CHLSN: variants seen among roughly 807,000 people sequenced by gnomAD.
CHLSN encodes cholesin, also known as protein cholesin.
chr7:1,058,918 A>G, the CHLSN span: 5,683 of 198,192 alleles, frequency 0.029, 319 homozygotes, highest in African/African-American at 0.12. Flanking sequence ...AAAAATGACA[A>G]ATAGTAAAAT....
At chr7:1,130,972 G>A in the CHLSN span, among the ~76,000 whole-genome samples, 21 of 152,178 alleles carry the variant, frequency 1.4e-4, no homozygotes, top group Admixed American at 1.4e-3. Flanking sequence ...CAGACTGCTT[G>A]AGCCCAGGAG....
chr7:1,125,249 GC>G, the CHLSN span, among the ~76,000 whole-genome samples: 39 of 152,336 alleles, frequency 2.6e-4, no homozygotes, highest in Admixed American at 2.2e-3. Flanking sequence ...ACCCCTCCAA[GC>G]ACTGGCTGTG....
chr7:1,115,470 A>C, the CHLSN span, among the ~76,000 whole-genome samples: 1 of 152,040 alleles, frequency 6.6e-6, no homozygotes, highest in South Asian at 2.1e-4. Flanking sequence ...CTCATCACCA[A>C]CGCCCACGCA....
chr7:1,098,653 C>T, the CHLSN span, among the ~76,000 whole-genome samples: 3 of 146,406 alleles, frequency 2.0e-5, no homozygotes, highest in South Asian at 2.2e-4. Context: ...AAAGCAGACA[C>T]GAGTGGAGCT....
the CHLSN span, chr7:997,012 T>C: frequency 6.6e-6 from 1 of 152,308 alleles, no homozygotes; most frequent in Non-Finnish European, 1.5e-5. Flanking sequence ...CGGCTGCTGC[T>C]GGGTCGGGTT....
At chr7:1,035,876 G>A in the CHLSN span, among the ~76,000 whole-genome samples, 3 of 152,216 alleles carry the variant, frequency 2.0e-5, no homozygotes, top group African/African-American at 7.2e-5. Context: ...GCCACAGATT[G>A]GAAGCAACCA....
chr7:1,012,625 C>G, the CHLSN span, among the ~76,000 whole-genome samples: 2 of 152,242 alleles, frequency 1.3e-5, no homozygotes, highest in Non-Finnish European at 2.9e-5. Flanking sequence ...GTGGGAAGCT[C>G]AGGAGTGCCA....
chr7:1,065,872 C>A, the CHLSN span, among the ~76,000 whole-genome samples: 1 of 152,208 alleles, frequency 6.6e-6, no homozygotes, highest in Non-Finnish European at 1.5e-5. Context: ...ACTCCGCGAT[C>A]CAAAGGCAGC....
At chr7:989,057 GC>G in the CHLSN span, 18 of 459,988 alleles carry the variant, frequency 3.9e-5, no homozygotes, top group Middle Eastern at 5.5e-4. Context: ...GTCCCTGCCA[GC>G]CCCCAGGAGC....
At chr7:1,002,797 TGGAGTCCTGTGGGTGG>T in the CHLSN span, among the ~76,000 whole-genome samples, 2 of 25,152 alleles carry the variant, frequency 8.0e-5, no homozygotes, top group Non-Finnish European at 1.5e-4. Context: ...TGTGGGTGAG[TGGAGTCCTGTGGGTGG>T]GGAGTCCTGT....
chr7:1,041,663 G>T, the CHLSN span, among the ~76,000 whole-genome samples: 1 of 152,194 alleles, frequency 6.6e-6, no homozygotes, highest in African/African-American at 2.4e-5. Flanking sequence ...ATACTCACAA[G>T]AACTAGGAAG....
At chr7:1,031,933 G>A in the CHLSN span, among the ~76,000 whole-genome samples, 2 of 152,122 alleles carry the variant, frequency 1.3e-5, no homozygotes, top group East Asian at 3.8e-4. Context: ...CGGGGTGGCT[G>A]CGAGGACGTG....
At chr7:1,095,058 A>ACGTGTG in the CHLSN span, among the ~76,000 whole-genome samples, 444 of 152,264 alleles carry the variant, frequency 2.9e-3, 7 homozygotes, top group Admixed American at 0.023. Context: ...AGTCCTGCAG[A>ACGTGTG]ACACCGTGCG....
At chr7:1,043,030 T>G in the CHLSN span, among the ~76,000 whole-genome samples, 1 of 150,822 alleles carries the variant, frequency 6.6e-6, no homozygotes, top group Admixed American at 6.6e-5. Context: ...GGCAGGCGGA[T>G]CACTTGAGGT....
At chr7:1,059,003 G>A in the CHLSN span, 1 of 183,950 alleles carries the variant, frequency 5.4e-6, no homozygotes, top group Admixed American at 5.4e-5. Flanking sequence ...TGCTAGCAAG[G>A]CCTGCCGGGT....
At chr7:1,123,919 C>T in the CHLSN span, among the ~76,000 whole-genome samples, 2 of 152,022 alleles carry the variant, frequency 1.3e-5, no homozygotes, top group Admixed American at 1.3e-4. This position sits in a 1 kb window ranked among gnomAD's most constrained non-coding sequence, Gnocchi z 4.4. Flanking sequence ...TTCCCGCTGC[C>T]AGCTCCTCCA....
the CHLSN span, among the ~76,000 whole-genome samples, chr7:1,071,447 G>A: frequency 2.0e-5 from 3 of 152,172 alleles, no homozygotes; most frequent in African/African-American, 7.2e-5. Flanking sequence ...TGTGAGGTGG[G>A]CCTGGGCACT....
chr7:1,136,499 A>AAT, the CHLSN span, among the ~76,000 whole-genome samples: 4 of 109,884 alleles, frequency 3.6e-5, no homozygotes, highest in South Asian at 9.7e-4. Context: ...TAAACATATA[A>AAT]ATATATATAA....
chr7:1,058,493 G>C, the CHLSN span: 1 of 779,980 alleles, frequency 1.3e-6, no homozygotes, highest in Non-Finnish European at 2.4e-6. Context: ...CGGACCACAT[G>C]GGGGTGCAGC....
Sources: gnomAD v4.1 joint callset for allele counts (sites outside exome capture counted in the v4.1 genomes callset) on GRCh38, gnomAD v4.1.1 for gene constraint, Gnocchi (gnomAD v3.1) non-coding constraint, MANE v1.5 for transcripts, NCBI Gene and HGNC (gene_info 2026-07-23, HGNC 2026-07-21) for gene names.